The following ARID4B variants were observed in gnomAD, a reference collection of about 807,000 sequenced individuals.
ARID4B encodes AT-rich interaction domain 4B.
ARID4B carries 26 observed loss-of-function variants against 147.5 expected under a neutral mutation model. The observed-to-expected ratio is 0.18, with a 90% confidence interval of 0.13 to 0.24. The LOEUF (loss-of-function observed/expected upper bound fraction) is 0.24, where lower values mean the gene tolerates loss of function less well. Ranked by LOEUF, ARID4B falls within the 10% of genes least tolerant of loss-of-function variation. The pLI, the probability that ARID4B is intolerant of heterozygous loss-of-function variation, is 1.00. For synonymous variants in ARID4B, 512 were observed against 507.9 expected, an observed-to-expected ratio of 1.01 and a Z score of -0.11; for missense variants, 1,179 against 1,511.5, an observed-to-expected ratio of 0.78 and a Z score of 3.65.
At chr1:235,270,562 T>C (rs1388260714) in intron 2 of ARID4B, among the ~76,000 whole-genome samples, 1 of 152,194 alleles carries the variant, frequency 6.6e-6, no homozygotes, top group Non-Finnish European at 1.5e-5. Flanking sequence ...TATCTGCATA[T>C]TCCTGGAAAT....
chr1:235,291,394 C>A (rs1672326138), intron 2 of ARID4B, among the ~76,000 whole-genome samples: 2 of 151,786 alleles, frequency 1.3e-5, no homozygotes, highest in East Asian at 1.9e-4. Context: ...GGCAACAGAG[C>A]AAGACTCTGT....
intron 2 of ARID4B, among the ~76,000 whole-genome samples, chr1:235,294,653 C>T (rs1672568840): frequency 6.7e-6 from 1 of 148,884 alleles, no homozygotes; most frequent in African/African-American, 2.5e-5. Flanking sequence ...GCTGGGATTA[C>T]AGGCGCTTGC....
At chr1:235,204,310 A>G (rs1365202422) in intron 17 of ARID4B, among the ~76,000 whole-genome samples, 1 of 152,238 alleles carries the variant, frequency 6.6e-6, no homozygotes. Context: ...TGACGGAGCG[A>G]AACTCCGCTT....
At chr1:235,299,404 G>A (rs1672972909) in intron 2 of ARID4B, among the ~76,000 whole-genome samples, 1 of 152,132 alleles carries the variant, frequency 6.6e-6, no homozygotes, top group Non-Finnish European at 1.5e-5. Flanking sequence ...AGTAGAGACG[G>A]GGTTTCTTGA....
chr1:235,175,200 T>C lies in ARID4B; in HGVS notation c.3648A>G (p.Lys1216=), dbSNP rs780142086. 3.7e-6 allele frequency: 6 copies of C among 1,613,940 alleles called. No homozygotes were observed. Among genetic ancestry groups the C allele is most frequent in the South Asian group, 2.2e-5 (2 of 91,078 alleles). The part of the protein sequence containing the change: ...EPSNRLPKVY[K]WSFQMSDLEN... Reference sequence around the variant, plus strand: ...GTCACTTACACATCTGAAAACTCCATTTGTAAACTTTGGGTAATCGATTAC... The same window carrying C: ...GTCACTTACACATCTGAAAACTCCACTTGTAAACTTTGGGTAATCGATTAC... Residue 1216 remains lysine, a synonymous_variant, in exon 22 of 24, where the codon AAA becomes AAG. Transcript: ENST00000264183.
chr1:235,274,099 A>G (rs991359985), intron 2 of ARID4B, among the ~76,000 whole-genome samples: 1 of 152,140 alleles, frequency 6.6e-6, no homozygotes, highest in African/African-American at 2.4e-5. Context: ...CATGCCAGGC[A>G]CAGTGGCTCA....
At chr1:235,299,830 T>A (rs1672999249) in intron 2 of ARID4B, among the ~76,000 whole-genome samples, 1 of 152,218 alleles carries the variant, frequency 6.6e-6, no homozygotes, top group Non-Finnish European at 1.5e-5. Flanking sequence ...TGCAAAGGAT[T>A]CTAAAGCTTC....
chr1:235,219,193 G>A (rs148245465), intron 16 of ARID4B, among the ~76,000 whole-genome samples: 68 of 151,902 alleles, frequency 4.5e-4, no homozygotes, highest in African/African-American at 1.5e-3. Flanking sequence ...TTAATTCATT[G>A]TACTTATTTA....
chr1:235,258,980 CAT>C (rs577398129), intron 3 of ARID4B, among the ~76,000 whole-genome samples: 61 of 152,254 alleles, frequency 4.0e-4, no homozygotes, highest in Middle Eastern at 3.4e-3. Flanking sequence ...AGAAATTACA[CAT>C]GTTAAAAAAT....
Position 235,236,857 on chromosome 1 carries a change from T to C in ARID4B, c.586-2365A>G, listed in dbSNP as rs1261100210. ...AAATATATATATATATATATATATA[T>C]ATATATTTTTTTTTTTTTTTTTTTT... On this transcript the variant is annotated intron_variant, in intron 8 of 23. Coordinates refer to ENST00000264183, the MANE Select transcript of ARID4B (RefSeq NM_016374.6). Among the ~76,000 whole-genome samples the C allele has an allele frequency of 1.0e-3, 44 of 43,918 alleles. 3 individuals are homozygous for C. The highest frequency in any genetic ancestry group is 1.8e-3 in the Non-Finnish European group (40 of 22,544). 28.8% of individuals were successfully genotyped at this position (43,918 alleles called of 152,430 possible). A position where few individuals can be genotyped will look rare whatever the true frequency, so the allele number is the denominator to read the frequency against.
rs566570211 is a variant in ARID4B at position 235,218,278 on chromosome 1, C to T, written c.1583+1515G>A. The stretch of plus-strand genomic sequence containing the variant: ...TAAATATCTGTAGTACATAAAAATC[C>T]ATATAATTATACAGTTAAAGGGGTT... On this transcript the variant is annotated intron_variant, in intron 16 of 23. Coordinates refer to ENST00000264183, the MANE Select transcript of ARID4B (RefSeq NM_016374.6). 2.2e-4 allele frequency among the ~76,000 whole-genome samples: 34 copies of T among 152,130 alleles called. No homozygotes were observed. The South Asian group carries it at 6.6e-3, about 30-fold the overall frequency.
chr1:235,322,036 T>A (rs1674876783), intron 2 of ARID4B, among the ~76,000 whole-genome samples: 1 of 151,670 alleles, frequency 6.6e-6, no homozygotes, highest in Admixed American at 6.6e-5. Context: ...GAAAAAATTT[T>A]TTTTTTTTTG....
chr1:235,266,180 T>C (rs1198962058), intron 2 of ARID4B, among the ~76,000 whole-genome samples: 1 of 152,186 alleles, frequency 6.6e-6, no homozygotes, highest in Non-Finnish European at 1.5e-5. Flanking sequence ...GACCCCTTAG[T>C]GTACCAAGAT....
At chr1:235,323,610 C>T (rs1023552862) in intron 2 of ARID4B, among the ~76,000 whole-genome samples, 23 of 151,986 alleles carry the variant, frequency 1.5e-4, no homozygotes, top group Admixed American at 1.5e-3. Context: ...TATGGAGAAA[C>T]CTTGTCTCTA....
intron 5 of ARID4B, among the ~76,000 whole-genome samples, chr1:235,254,417 G>A (rs1020355512): frequency 1.3e-5 from 2 of 151,988 alleles, no homozygotes; most frequent in Non-Finnish European, 2.9e-5. Context: ...ATTTTAGAAT[G>A]TTGGAAAAAA....
At chr1:235,321,971 G>A (rs1295944910) in intron 2 of ARID4B, among the ~76,000 whole-genome samples, 1 of 152,036 alleles carries the variant, frequency 6.6e-6, no homozygotes, top group Admixed American at 6.6e-5. Context: ...GCAACCTCCA[G>A]CTCCTGGGTT....
At chr1:235,278,651 TAGTA>T (rs1671487497) in intron 2 of ARID4B, among the ~76,000 whole-genome samples, 1 of 152,184 alleles carries the variant, frequency 6.6e-6, no homozygotes, top group Non-Finnish European at 1.5e-5. Flanking sequence ...TAAACTTTAC[TAGTA>T]AGTATTTCTT....
intron 21 of ARID4B, among the ~76,000 whole-genome samples, chr1:235,176,314 T>G (rs1172287645): frequency 6.6e-6 from 1 of 151,206 alleles, no homozygotes; most frequent in East Asian, 1.9e-4. Context: ...AATAGTAAAC[T>G]CTTGAAGACA....
chr1:235,237,285 C>G (rs1424096622), intron 8 of ARID4B, among the ~76,000 whole-genome samples: 5 of 152,040 alleles, frequency 3.3e-5, no homozygotes, highest in African/African-American at 9.7e-5. Context: ...CAAAGTGTGG[C>G]AACTAACTTA....
Sources: allele counts gnomAD v4.1 joint callset (sites outside exome capture counted in the v4.1 genomes callset), GRCh38; gene constraint gnomAD v4.1.1; transcripts MANE v1.5; gene names NCBI Gene and HGNC (gene_info 2026-07-23, HGNC 2026-07-21).